Variants in HSF5 observed in about 807,000 individuals in gnomAD.
HSF5 encodes the protein heat shock factor protein 5.
In HSF5, 5 loss-of-function variants were observed where a neutral mutation model predicts 50.8. The ratio of observed to expected loss-of-function variants is 0.10; its 90% CI spans 0.05 to 0.21. HSF5 has a LOEUF of 0.21. Among genes scored for constraint, HSF5 ranks in the 10% least tolerant of loss-of-function variants. The probability of loss-of-function intolerance (pLI) is 1.00; values close to 1 mark genes in which losing one functional copy is unlikely to be tolerated. For synonymous variants in HSF5, 307 were observed against 307.4 expected, an observed-to-expected ratio of 1.00 and a Z score of 0.02; for missense variants, 564 against 762.6, an observed-to-expected ratio of 0.74 and a Z score of 3.07.
At chr17:58,425,759 T>A (rs1408264970) in intron 5 of HSF5, among the ~76,000 whole-genome samples, 1 of 152,158 alleles carries the variant, frequency 6.6e-6, no homozygotes, top group Non-Finnish European at 1.5e-5. Context: ...ATGTAATTAA[T>A]CCTGAGTAGT....
In HSF5 at chr17:58,461,519, C is replaced by T. The variant is rs1246254775; in HGVS notation, c.1542+1263G>A. On this transcript the variant is annotated intron_variant, in intron 4 of 5. Transcript: ENST00000323777. Reference sequence around the variant, plus strand: ...AAAAAAAATATATACACATATCAGGCTAAGATCAAGAAAAAAATAAAAAGT... The same window carrying T: ...AAAAAAAATATATACACATATCAGGTTAAGATCAAGAAAAAAATAAAAAGT... Among the ~76,000 whole-genome samples, 4 of 151,898 alleles carry T rather than the reference C, an allele frequency of 2.6e-5. No individual in the cohort carries two copies. The East Asian group carries it at 5.8e-4, about 22-fold the overall frequency.
chr17:58,436,737 C>T (rs1974431477), intron 5 of HSF5, among the ~76,000 whole-genome samples: 1 of 151,762 alleles, frequency 6.6e-6, no homozygotes, highest in Non-Finnish European at 1.5e-5. Flanking sequence ...AAAAATGACG[C>T]CTTAAAAACA....
chr17:58,454,490 T>C (rs1333573186), intron 5 of HSF5, among the ~76,000 whole-genome samples: 2 of 152,122 alleles, frequency 1.3e-5, no homozygotes, highest in East Asian at 3.9e-4. Context: ...GCCAGACCAA[T>C]TAGGCAAGAG....
At position 58,463,191 on chromosome 17, in the gene HSF5, A is replaced by G. The variant is rs773790254; in HGVS notation, c.1133T>C (p.Ile378Thr). Residue 378 changes from isoleucine to threonine, a missense_variant, in exon 4 of 6, where the codon ATA becomes ACA. Ile to Thr is a moderately conservative substitution (Grantham distance 89, BLOSUM62 -1). Transcript: ENST00000323777. ...AGGGGAGGAATGCAACTCATCAACT[A>G]TCTGAAAGACAGCCTCTAGGTTTAC... ...TEVNLEAVFQ[I>T]VDELHSSPKL... 6.2e-7 allele frequency: 1 copy of G among 1,614,190 alleles called. No individual in the cohort carries two copies. The highest frequency in any genetic ancestry group is 8.5e-7 in the Non-Finnish European group (1 of 1,180,026).
chr17:58,435,695 C>G (rs539159903), intron 5 of HSF5, among the ~76,000 whole-genome samples: 1 of 151,992 alleles, frequency 6.6e-6, no homozygotes, highest in South Asian at 2.1e-4. Flanking sequence ...AGCAGGAGAT[C>G]GAGACCATCC....
At position 58,462,934 on chromosome 17, in the gene HSF5, T is replaced by C; in HGVS notation, c.1390A>G (p.Ile464Val). The C allele has an allele frequency of 6.2e-7, 1 of 1,614,194 alleles. No homozygotes were observed. The highest frequency in any genetic ancestry group is 8.5e-7 in the Non-Finnish European group (1 of 1,180,030). The change falls in exon 4 of 6, where the codon ATC (isoleucine) becomes GTC (valine). Residue 464 changes from isoleucine to valine, a missense_variant. Around this residue, in one of 5 missense-constraint regions of HSF5, gnomAD observed 441 missense variants for 533.6 expected, o/e 0.83. Coordinates refer to ENST00000323777, the MANE Select transcript of HSF5 (RefSeq NM_001080439.3). ...LPQSPEYIYT[I>V]HTAQPVENST... Reference sequence around the variant, plus strand: ...TTTTCAACAGGCTGAGCTGTGTGGATGGTATAGATGTACTCAGGTGACTGT... The same window carrying C: ...TTTTCAACAGGCTGAGCTGTGTGGACGGTATAGATGTACTCAGGTGACTGT...
At chr17:58,480,958 TAC>T (rs1975091870) in intron 1 of HSF5, among the ~76,000 whole-genome samples, 1 of 152,174 alleles carries the variant, frequency 6.6e-6, no homozygotes, top group African/African-American at 2.4e-5. Flanking sequence ...CTGTTTATTT[TAC>T]TTTTTGTAGA....
At chr17:58,450,180 T>C (rs896716433) in intron 5 of HSF5, among the ~76,000 whole-genome samples, 4 of 144,992 alleles carry the variant, frequency 2.8e-5, no homozygotes, top group Admixed American at 1.4e-4. Flanking sequence ...TACCAAAAAA[T>C]ACAAAAAAAT....
At chr17:58,437,004 G>A (rs934857672) in intron 5 of HSF5, among the ~76,000 whole-genome samples, 6 of 152,210 alleles carry the variant, frequency 3.9e-5, no homozygotes, top group South Asian at 2.1e-4. Flanking sequence ...TATTTCTGTC[G>A]GTATTTCTGC....
intron 5 of HSF5, among the ~76,000 whole-genome samples, chr17:58,454,543 T>C (rs1009280812): frequency 7.2e-5 from 11 of 152,200 alleles, no homozygotes; most frequent in African/African-American, 2.2e-4. Flanking sequence ...GAAAGTCTAA[T>C]TGTCCTTGTT....
chr17:58,462,000 C>CA (rs1974801674), intron 4 of HSF5, among the ~76,000 whole-genome samples: 1 of 152,132 alleles, frequency 6.6e-6, no homozygotes, highest in African/African-American at 2.4e-5. Context: ...ACAGTGTACC[C>CA]ACTAAGTAAT....
intron 5 of HSF5, among the ~76,000 whole-genome samples, chr17:58,432,586 A>T (rs1426358002): frequency 6.6e-6 from 1 of 152,196 alleles, no homozygotes; most frequent in Non-Finnish European, 1.5e-5. Flanking sequence ...TAGATGAGGG[A>T]GATAGAAGGT....
At chr17:58,423,384 C>T (rs148038415) in intron 5 of HSF5, among the ~76,000 whole-genome samples, 6 of 151,818 alleles carry the variant, frequency 4.0e-5, no homozygotes, top group South Asian at 2.1e-4. Flanking sequence ...TGAGCTAAAA[C>T]GTCTATAGAG....
At chr17:58,433,854 G>GAAAGCAGAAAAAGTAGAGGA (rs1974392699) in intron 5 of HSF5, among the ~76,000 whole-genome samples, 1 of 147,826 alleles carries the variant, frequency 6.8e-6, no homozygotes, top group Non-Finnish European at 1.5e-5. Context: ...TTGCTCTAAG[G>GAAAGCAGAAAAAGTAGAGGA]AAAGCAGAAA....
At chr17:58,447,994 C>CA (rs1974582577) in intron 5 of HSF5, among the ~76,000 whole-genome samples, 1 of 151,846 alleles carries the variant, frequency 6.6e-6, no homozygotes, top group African/African-American at 2.4e-5. Flanking sequence ...ACTAAAAATA[C>CA]AAAAAATTAG....
At chr17:58,479,247 T>TA (rs796907542) in intron 2 of HSF5, among the ~76,000 whole-genome samples, 98 of 151,530 alleles carry the variant, frequency 6.5e-4, no homozygotes, top group Middle Eastern at 6.8e-3. Flanking sequence ...ATAAACATAT[T>TA]AAAAAAAAAC....
chr17:58,477,068 T>C, intron 2 of HSF5: 1 of 491,354 alleles, frequency 2.0e-6, no homozygotes, highest in South Asian at 2.3e-5. Flanking sequence ...CTCCCAGCGC[T>C]GCCCTCGCGG....
At position 58,473,931 on chromosome 17, in the gene HSF5, A is replaced by G. The variant is rs113866750; in HGVS notation, c.925+5962T>C. Among the ~76,000 whole-genome samples, 480 of 151,960 alleles carry G rather than the reference A, an allele frequency of 3.2e-3. 2 individuals are homozygous for G. The highest frequency in any genetic ancestry group is 0.011 in the African/African-American group (452 of 41,424). On this transcript the variant is annotated intron_variant, in intron 2 of 5. Coordinates refer to ENST00000323777, the MANE Select transcript of HSF5 (RefSeq NM_001080439.3). ...CACAATCACGGATCACTGCAGCCTC[A>G]ACCTCCTGAGCTCAAGCAATCTTCC...
chr17:58,425,615 G>A (rs988314251), intron 5 of HSF5, among the ~76,000 whole-genome samples: 2 of 139,682 alleles, frequency 1.4e-5, no homozygotes, highest in African/African-American at 5.2e-5. Context: ...GGTTAAAATG[G>A]TAACTTTTAT....
Sources: gnomAD v4.1 joint callset for allele counts (sites outside exome capture counted in the v4.1 genomes callset) on GRCh38, gnomAD v4.1.1 for gene constraint, gnomAD v4.1.1 regional missense constraint, MANE v1.5 for transcripts, NCBI Gene and HGNC (gene_info 2026-07-23, HGNC 2026-07-21) for gene names.